CBX7: variants seen among roughly 807,000 people sequenced by gnomAD.
The protein encoded by CBX7 is chromobox 7.
In CBX7, 14 loss-of-function variants were observed where a neutral mutation model predicts 31.4. The ratio of observed to expected loss-of-function variants is 0.45; its 90% CI spans 0.29 to 0.70. The LOEUF (loss-of-function observed/expected upper bound fraction) is 0.70, where lower values mean the gene tolerates loss of function less well. Ranked by LOEUF, CBX7 falls within the 30% of genes least tolerant of loss-of-function variation. The probability of loss-of-function intolerance (pLI) is 0.11; values close to 1 mark genes in which losing one functional copy is unlikely to be tolerated. For synonymous variants in CBX7, 159 were observed against 152.6 expected, an observed-to-expected ratio of 1.04 and a Z score of -0.31; for missense variants, 269 against 351.9, an observed-to-expected ratio of 0.76 and a Z score of 1.89.
chr22:39,140,920 C>T (rs1017227212), intron 3 of CBX7, among the ~76,000 whole-genome samples: 3 of 152,230 alleles, frequency 2.0e-5, no homozygotes, highest in Non-Finnish European at 4.4e-5. Flanking sequence ...CTTCGTCAGA[C>T]ACTCCTTCCT....
chr22:39,140,953 C>T (rs1049617739), intron 3 of CBX7, among the ~76,000 whole-genome samples: 6 of 152,214 alleles, frequency 3.9e-5, no homozygotes, highest in African/African-American at 1.4e-4. Context: ...CCTCTAGAGA[C>T]ACCGTCTCTG....
intron 4 of CBX7, chr22:39,135,055 A>G (rs888296762): frequency 2.7e-6 from 1 of 372,226 alleles, no homozygotes; most frequent in Non-Finnish European, 4.9e-6. Context: ...AAACTGGCCA[A>G]GAGAAACAAA....
chr22:39,143,477 G>A (rs1930532436), intron 2 of CBX7, among the ~76,000 whole-genome samples: 1 of 152,124 alleles, frequency 6.6e-6, no homozygotes, highest in Admixed American at 6.5e-5. Context: ...ATAAGCTCAG[G>A]TTAATTTATT....
chr22:39,134,404 C>T lies in CBX7; in HGVS notation c.595G>A (p.Glu199Lys), dbSNP rs182777567. Residue 199 changes from glutamate to lysine, a missense_variant, in exon 5 of 6, where the codon GAG becomes AAG. Coordinates refer to ENST00000216133, the MANE Select transcript of CBX7 (RefSeq NM_175709.5). ...CTCTGGGCTGGGGCCGCCTTACCCT[C>T]CTCTTCAGGGGGCTGCGCAGCAGGC... ...WEPAAQPPEE[E>K]ADADLAEGPP... 16 of 1,597,860 alleles carry T rather than the reference C, an allele frequency of 1.0e-5. No homozygotes were observed. In the African/African-American group the frequency reaches 2.0e-4, roughly 20 times the overall value.
At chr22:39,138,979 C>G (rs886590436) in intron 3 of CBX7, among the ~76,000 whole-genome samples, 1 of 152,184 alleles carries the variant, frequency 6.6e-6, no homozygotes, top group African/African-American at 2.4e-5. Context: ...TAAGGGGCTC[C>G]AGGGCCATGT....
chr22:39,138,182 CAAAA>C (rs1185254645), intron 4 of CBX7, among the ~76,000 whole-genome samples: 4 of 59,092 alleles, frequency 6.8e-5, no homozygotes, highest in East Asian at 5.1e-4. Flanking sequence ...GACTCCGTCT[CAAAA>C]AAAAAAAAAA....
At chr22:39,151,587 T>C (rs1930853545) in intron 1 of CBX7, among the ~76,000 whole-genome samples, 1 of 152,172 alleles carries the variant, frequency 6.6e-6, no homozygotes, top group African/African-American at 2.4e-5. Flanking sequence ...AGGACAGTAG[T>C]GCGTACCAGG....
intron 3 of CBX7, among the ~76,000 whole-genome samples, chr22:39,139,227 G>A (rs1181471387): frequency 6.6e-6 from 1 of 152,176 alleles, no homozygotes; most frequent in East Asian, 1.9e-4. Flanking sequence ...CTTGTCGGGG[G>A]ACAGGATGAA....
chr22:39,145,880 C>T (rs1833563195), intron 2 of CBX7, among the ~76,000 whole-genome samples: 1 of 151,970 alleles, frequency 6.6e-6, no homozygotes, highest in Non-Finnish European at 1.5e-5. Context: ...TGAGGGCACG[C>T]AGTGGGAAGG....
Position 39,143,493 on chromosome 22 carries a change from AG to A in CBX7, c.114-2058del, listed in dbSNP as rs572812667. On this transcript the variant is annotated intron_variant, in intron 2 of 5. Coordinates refer to ENST00000216133, the MANE Select transcript of CBX7 (RefSeq NM_175709.5). ...TAAGCTCAGGTTAATTTATTACTGA[AG>A]AAAAATATTTCTGTATAAATTAGTG... Among the ~76,000 whole-genome samples, 11 of 152,370 alleles carry A rather than the reference AG, an allele frequency of 7.2e-5. No individual in the cohort carries two copies. In the South Asian group the frequency reaches 2.3e-3, roughly 32 times the overall value.
intron 2 of CBX7, among the ~76,000 whole-genome samples, chr22:39,145,155 G>A (rs1171169288): frequency 6.6e-6 from 1 of 152,222 alleles, no homozygotes; most frequent in Non-Finnish European, 1.5e-5. Context: ...GTGGTTGCCG[G>A]CCCGGGCAGC....
In CBX7 at chr22:39,131,833, C is replaced by G. The variant is rs927365060; in HGVS notation, c.*2058G>C. The stretch of plus-strand genomic sequence containing the variant: ...CGTGACTTCTGCTGGAAGCTGCCAG[C>G]CATGTTCCAAAGTCATGGGCCAAAA... On this transcript the variant is annotated 3_prime_UTR_variant, in exon 6 of 6. Coordinates refer to ENST00000216133, the MANE Select transcript of CBX7 (RefSeq NM_175709.5). 6.6e-6 allele frequency: 1 copy of G among 152,298 alleles called. No individual in the cohort carries two copies. The highest frequency in any genetic ancestry group is 1.5e-5 in the Non-Finnish European group (1 of 68,120). 9.4% of individuals were successfully genotyped at this position (152,298 alleles called of 1,614,324 possible). A position where few individuals can be genotyped will look rare whatever the true frequency, so the allele number is the denominator to read the frequency against.
chr22:39,138,135 C>G (rs901735574), intron 4 of CBX7, among the ~76,000 whole-genome samples: 1 of 149,010 alleles, frequency 6.7e-6, no homozygotes, highest in African/African-American at 2.5e-5. Flanking sequence ...GAGCCAAGAT[C>G]GCGCGCCACT....
chr22:39,133,905 T>G lies in CBX7; in HGVS notation c.742A>C (p.Ser248Arg), dbSNP rs1930138710. ...QAAEGFFRDR[S>R]GKF ...AAAACGGTGATTCAGAACTTCCCAC[T>G]GCGGTCTCGGAAGAAGCCCTCAGCT... Residue 248 changes from serine to arginine, a missense_variant, in exon 6 of 6, where the codon AGT (serine) becomes CGT (arginine). Physicochemically the swap from Ser to Arg is moderately radical, Grantham distance 110 (BLOSUM62 -1). Coordinates refer to ENST00000216133, the MANE Select transcript of CBX7 (RefSeq NM_175709.5). 2 of 1,610,620 alleles carry G rather than the reference T, an allele frequency of 1.2e-6. No individual in the cohort carries two copies. The highest frequency in any genetic ancestry group is 1.7e-6 in the Non-Finnish European group (2 of 1,178,092).
intron 2 of CBX7, among the ~76,000 whole-genome samples, chr22:39,146,907 A>T (rs943802371): frequency 6.6e-6 from 1 of 152,106 alleles, no homozygotes; most frequent in African/African-American, 2.4e-5. Flanking sequence ...CCTCAGGCAC[A>T]GCTGGCACCT....
intron 3 of CBX7, among the ~76,000 whole-genome samples, chr22:39,139,363 T>C (rs1930365982): frequency 6.6e-6 from 1 of 151,950 alleles, no homozygotes; most frequent in South Asian, 2.1e-4. Context: ...GGTGGGTGGA[T>C]CACTTAAGCT....
At position 39,138,658 on chromosome 22, in the gene CBX7, T is replaced by C; in HGVS notation, c.224A>G (p.Lys75Arg). 1 of 1,614,166 alleles carries C rather than the reference T, an allele frequency of 6.2e-7. No individual in the cohort carries two copies. The highest frequency in any genetic ancestry group is 1.1e-5 in the South Asian group (1 of 91,088). The change falls in exon 4 of 6, where the codon AAA (lysine) becomes AGA (arginine). Residue 75 changes from lysine (K) to arginine (R), a missense_variant. Transcript: ENST00000216133. ...RASGYRKRGP[K>R]PKRLLLQRLY... is the part of the protein sequence containing the mutation. ...TACCTGCAGCAGAAGCCGCTTGGGT[T>C]TCGGACCTCTCTTCCTATACCCCGA...
chr22:39,152,575 G>C lies in CBX7; in HGVS notation c.-131C>G, dbSNP rs1156579615. The C allele has an allele frequency of 5.6e-6, 1 of 178,420 alleles. No homozygotes were observed. Among genetic ancestry groups the C allele is most frequent in the African/African-American group, 2.4e-5 (1 of 41,566 alleles). 11.1% of individuals were successfully genotyped at this position (178,420 alleles called of 1,614,324 possible). A position where few individuals can be genotyped will look rare whatever the true frequency, so the allele number is the denominator to read the frequency against. ...CTCGTCCGGGCGCGCACGCGCACGC[G>C]CACGCGCGCACACCCCCTCGCGCTC... On this transcript the variant is annotated 5_prime_UTR_variant, in exon 1 of 6. Transcript: ENST00000216133. The surrounding 1 kb of genome is among the most constrained non-coding windows in gnomAD (Gnocchi z 4.9).
intron 2 of CBX7, chr22:39,148,928 C>G (rs1411662312): frequency 2.0e-5 from 3 of 152,536 alleles, no homozygotes; most frequent in Admixed American, 6.5e-5. Flanking sequence ...AGTCCCTGCC[C>G]GACAGCAGCA....
Sources: gnomAD v4.1 joint callset for allele counts (sites outside exome capture counted in the v4.1 genomes callset) on GRCh38, gnomAD v4.1.1 for gene constraint, Gnocchi (gnomAD v3.1) non-coding constraint, MANE v1.5 for transcripts, NCBI Gene and HGNC (gene_info 2026-07-23, HGNC 2026-07-21) for gene names.